The following NAALADL2 variants were observed in gnomAD, a reference collection of about 807,000 sequenced individuals.
NAALADL2 encodes the protein N-acetylated alpha-linked acidic dipeptidase like 2.
A neutral mutation model predicts 87.2 loss-of-function variants in NAALADL2; 76 were observed. That is an observed-to-expected ratio of 0.87 (90% CI 0.72 to 1.05). The LOEUF is 1.05. Ranked by LOEUF, NAALADL2 falls within the 50% of genes least tolerant of loss-of-function variation. The pLI is 0.00. For missense variants in NAALADL2, 1,089 were observed against 945.8 expected (o/e 1.15, Z -1.99); for synonymous variants, 354 against 331.0 (o/e 1.07, Z -0.75).
intron 10 of NAALADL2, among the ~76,000 whole-genome samples, chr3:175,598,705 A>G (rs774207441): frequency 8.5e-5 from 13 of 152,128 alleles, no homozygotes; most frequent in Non-Finnish European, 1.5e-4. Context: ...ATTCTGAGAA[A>G]TATATATGAT....
chr3:174,442,700 A>G (rs1714754908), intron 1 of NAALADL2, among the ~76,000 whole-genome samples: 1 of 152,228 alleles, frequency 6.6e-6, no homozygotes, highest in African/African-American at 2.4e-5. Flanking sequence ...TTCTTGGAAT[A>G]TACATTCTAG....
intron 1 of NAALADL2, among the ~76,000 whole-genome samples, chr3:174,990,617 C>A (rs552960244): frequency 1.6e-4 from 24 of 151,802 alleles, no homozygotes; most frequent in African/African-American, 4.8e-4. Context: ...TCGATAAAAA[C>A]CAAAAAAAGC....
chr3:175,727,347 T>A (rs1430538981), intron 11 of NAALADL2, among the ~76,000 whole-genome samples: 4 of 152,180 alleles, frequency 2.6e-5, no homozygotes, highest in African/African-American at 7.2e-5. Context: ...AATGCTGTTT[T>A]CAAGTTTAAC....
chr3:175,043,932 C>T (rs80151146), intron 1 of NAALADL2, among the ~76,000 whole-genome samples: 3,467 of 152,218 alleles, frequency 0.023, 54 homozygotes, highest in Non-Finnish European at 0.034. Flanking sequence ...GTACTTTTGA[C>T]AGTGATTACT....
chr3:174,884,156 C>A (rs915942698), intron 1 of NAALADL2, among the ~76,000 whole-genome samples: 2 of 152,124 alleles, frequency 1.3e-5, no homozygotes, highest in Non-Finnish European at 2.9e-5. Context: ...AATGTAATGT[C>A]ATGGGAACAG....
At chr3:175,752,438 G>GTC (rs1746729471) in intron 12 of NAALADL2, among the ~76,000 whole-genome samples, 1 of 152,072 alleles carries the variant, frequency 6.6e-6, no homozygotes, top group Non-Finnish European at 1.5e-5. Context: ...GGTCACAAAA[G>GTC]CTGAAGTAGG....
At chr3:175,600,370 A>G (rs1398123638) in intron 10 of NAALADL2, among the ~76,000 whole-genome samples, 1 of 151,960 alleles carries the variant, frequency 6.6e-6, no homozygotes, top group African/African-American at 2.4e-5. Context: ...GGTATAAACT[A>G]TCAGTGAAAA....
intron 1 of NAALADL2, among the ~76,000 whole-genome samples, chr3:174,991,664 G>C (rs1746770676): frequency 6.6e-6 from 1 of 152,026 alleles, no homozygotes; most frequent in African/African-American, 2.4e-5. Flanking sequence ...TCTGTATGGA[G>C]ATGGAAGTGA....
intron 2 of NAALADL2, among the ~76,000 whole-genome samples, chr3:175,167,676 A>T (rs1472570971): frequency 1.3e-5 from 2 of 152,028 alleles, no homozygotes; most frequent in Non-Finnish European, 2.9e-5. Flanking sequence ...TATCCACCCT[A>T]TAATCTTTGA....
At chr3:175,310,383 A>G (rs972849170) in intron 4 of NAALADL2, among the ~76,000 whole-genome samples, 2 of 151,970 alleles carry the variant, frequency 1.3e-5, no homozygotes, top group Non-Finnish European at 2.9e-5. Flanking sequence ...TATTTCAGTT[A>G]TAAAGACAAT....
intron 5 of NAALADL2, among the ~76,000 whole-genome samples, chr3:175,371,743 G>T (rs1463217414): frequency 1.3e-5 from 2 of 151,446 alleles, no homozygotes; most frequent in African/African-American, 4.8e-5. Context: ...AGAATCACTT[G>T]AACCCAGGAG....
intron 1 of NAALADL2, among the ~76,000 whole-genome samples, chr3:174,963,453 T>A (rs1036264648): frequency 3.3e-5 from 5 of 152,142 alleles, no homozygotes; most frequent in Admixed American, 1.3e-4. Context: ...TGAAAAATTA[T>A]GACTGATTAG....
At chr3:174,897,251 A>G (rs1320146579) in intron 1 of NAALADL2, among the ~76,000 whole-genome samples, 1 of 152,176 alleles carries the variant, frequency 6.6e-6, no homozygotes, top group Non-Finnish European at 1.5e-5. Context: ...GGGAGAATAT[A>G]TTTACAAATT....
intron 2 of NAALADL2, among the ~76,000 whole-genome samples, chr3:174,682,808 G>A (rs1245038225): frequency 6.6e-6 from 1 of 152,180 alleles, no homozygotes; most frequent in Admixed American, 6.5e-5. Flanking sequence ...AGTCCAGACT[G>A]TGAAGACTAT....
chr3:175,777,576 G>GTTC (rs1345091548), intron 13 of NAALADL2, among the ~76,000 whole-genome samples: 1 of 152,108 alleles, frequency 6.6e-6, no homozygotes, highest in African/African-American at 2.4e-5. Context: ...AGAAACTCGT[G>GTTC]TTCTTCAAGA....
chr3:175,448,045 T>C (rs1258477342), intron 6 of NAALADL2, among the ~76,000 whole-genome samples: 1 of 152,246 alleles, frequency 6.6e-6, no homozygotes, highest in Non-Finnish European at 1.5e-5. Flanking sequence ...CTCTTTTTTG[T>C]GTCCAGACCT....
chr3:174,872,748 A>G (rs999655616), intron 1 of NAALADL2, among the ~76,000 whole-genome samples: 1 of 152,022 alleles, frequency 6.6e-6, no homozygotes, highest in African/African-American at 2.4e-5. Context: ...ACACACACAC[A>G]CACACACATT....
In NAALADL2 at chr3:174,558,258, A is replaced by G. The variant is rs187320839; in HGVS notation, c.-115+7621A>G. Reference sequence around the variant, plus strand: ...TCTTTCCTGCAGTCTCCTAATTTCTACTGCGCTTGTTTCCTCTAGCACAGT... The same window carrying G: ...TCTTTCCTGCAGTCTCCTAATTTCTGCTGCGCTTGTTTCCTCTAGCACAGT... On this transcript the variant is annotated intron_variant, in intron 2 of 3. Transcript: ENST00000434257. Among the ~76,000 whole-genome samples, 55 of 152,246 alleles carry G rather than the reference A, an allele frequency of 3.6e-4. 1 individual carries two copies. Among genetic ancestry groups the G allele is most frequent in the Non-Finnish European group, 4.7e-4 (32 of 68,012 alleles).
intron 2 of NAALADL2, among the ~76,000 whole-genome samples, chr3:175,108,921 G>T (rs1348985793): frequency 6.6e-6 from 1 of 151,548 alleles, no homozygotes; most frequent in Non-Finnish European, 1.5e-5. Flanking sequence ...TTCTCTTGGG[G>T]GTGGCATGGG....
Sources: allele counts gnomAD v4.1 joint callset (sites outside exome capture counted in the v4.1 genomes callset), GRCh38; gene constraint gnomAD v4.1.1; transcripts MANE v1.5; gene names NCBI Gene and HGNC (gene_info 2026-07-23, HGNC 2026-07-21).